Variants in RAB28 observed in about 807,000 individuals in gnomAD.
RAB28 encodes ras-related protein Rab-28.
Under a neutral mutation model 31.7 loss-of-function variants are expected in RAB28, and 24 were observed. The ratio of observed to expected loss-of-function variants is 0.76; its 90% CI spans 0.55 to 1.06. The LOEUF is 1.06. Among genes scored for constraint, RAB28 ranks in the 50% least tolerant of loss-of-function variants. The probability of loss-of-function intolerance (pLI) is 0.00; values close to 1 mark genes in which losing one functional copy is unlikely to be tolerated. For missense variants in RAB28, 254 were observed against 258.5 expected (o/e 0.98, Z 0.12); for synonymous variants, 100 against 90.4 (o/e 1.11, Z -0.60).
At chr4:13,432,971 C>T (rs1321045961) in intron 4 of RAB28, among the ~76,000 whole-genome samples, 6 of 147,478 alleles carry the variant, frequency 4.1e-5, no homozygotes, top group Non-Finnish European at 7.5e-5. Context: ...CACAGAGTGG[C>T]AAATTGAATT....
chr4:13,483,087 GA>G (rs1348614498), intron 1 of RAB28, among the ~76,000 whole-genome samples: 2 of 152,308 alleles, frequency 1.3e-5, no homozygotes, highest in South Asian at 4.1e-4. Context: ...GCCTTTGACA[GA>G]AGCATGGGAA....
intron 3 of RAB28, among the ~76,000 whole-genome samples, chr4:13,465,048 A>G (rs1287185697): frequency 6.6e-6 from 1 of 152,074 alleles, no homozygotes; most frequent in Non-Finnish European, 1.5e-5. Context: ...TGGACACGGC[A>G]TAGGAAAAAA....
At chr4:13,407,357 T>C (rs1404146088) in intron 4 of RAB28, among the ~76,000 whole-genome samples, 3 of 152,204 alleles carry the variant, frequency 2.0e-5, no homozygotes, top group Non-Finnish European at 4.4e-5. Flanking sequence ...TTCTGTTCCA[T>C]TGGTCTGTAT....
At chr4:13,401,644 T>A (rs893457698) in intron 4 of RAB28, among the ~76,000 whole-genome samples, 11 of 152,240 alleles carry the variant, frequency 7.2e-5, no homozygotes, top group African/African-American at 2.4e-4. Context: ...TTTGTAATGA[T>A]TTCTTCTCTT....
intron 4 of RAB28, among the ~76,000 whole-genome samples, chr4:13,420,849 G>C (rs933504863): frequency 6.6e-6 from 1 of 152,174 alleles, no homozygotes; most frequent in South Asian, 2.1e-4. Context: ...ACTGGCACAA[G>C]ACAAGGATTC....
intron 4 of RAB28, among the ~76,000 whole-genome samples, chr4:13,406,992 CTT>C (rs1712132510): frequency 6.6e-6 from 1 of 152,148 alleles, no homozygotes; most frequent in African/African-American, 2.4e-5. Context: ...TGCAGAAGCT[CTT>C]TAGTTTAATT....
intron 4 of RAB28, among the ~76,000 whole-genome samples, chr4:13,450,146 GTAAT>G (rs1244895634): frequency 6.6e-6 from 1 of 151,514 alleles, no homozygotes; most frequent in Non-Finnish European, 1.5e-5. Flanking sequence ...AATTAAAACT[GTAAT>G]TCAGTACAGA....
intron 4 of RAB28, among the ~76,000 whole-genome samples, chr4:13,435,810 TACC>T (rs1360098448): frequency 6.6e-6 from 1 of 152,164 alleles, no homozygotes; most frequent in African/African-American, 2.4e-5. Flanking sequence ...GAAGAGCTGG[TACC>T]AATCTTACTG....
chr4:13,398,353 A>G (rs1426901123), intron 4 of RAB28, among the ~76,000 whole-genome samples: 1 of 152,180 alleles, frequency 6.6e-6, no homozygotes, highest in African/African-American at 2.4e-5. Context: ...GCAAACTTCC[A>G]CATACTAGGT....
At chr4:13,456,126 G>GGCTA (rs1232012321) in intron 4 of RAB28, among the ~76,000 whole-genome samples, 1 of 152,098 alleles carries the variant, frequency 6.6e-6, no homozygotes, top group Non-Finnish European at 1.5e-5. Flanking sequence ...AATTTACAAT[G>GGCTA]GCTAGCTTAA....
intron 4 of RAB28, among the ~76,000 whole-genome samples, chr4:13,450,254 A>G (rs955592246): frequency 6.6e-6 from 1 of 151,886 alleles, no homozygotes; most frequent in Non-Finnish European, 1.5e-5. Flanking sequence ...TTAGGATTTA[A>G]GAAGCAAACT....
intron 4 of RAB28, among the ~76,000 whole-genome samples, chr4:13,439,545 C>T (rs1034221744): frequency 6.6e-6 from 1 of 152,118 alleles, no homozygotes; most frequent in Non-Finnish European, 1.5e-5. Context: ...TGGGGTTTCA[C>T]CATGTTGGCC....
chr4:13,469,303 G>A (rs554550163), intron 3 of RAB28, among the ~76,000 whole-genome samples: 1 of 152,048 alleles, frequency 6.6e-6, no homozygotes, highest in South Asian at 2.1e-4. Flanking sequence ...GATAACTTTT[G>A]TTATCAACCA....
intron 4 of RAB28, among the ~76,000 whole-genome samples, chr4:13,415,812 G>A (rs151047071): frequency 0.012 from 1,759 of 152,330 alleles, 13 homozygotes; most frequent in Non-Finnish European, 0.018. Flanking sequence ...TGCAGCCCCA[G>A]TGCAGGATCC....
At chr4:13,471,634 C>T (rs931429543) in intron 3 of RAB28, among the ~76,000 whole-genome samples, 8 of 151,966 alleles carry the variant, frequency 5.3e-5, no homozygotes, top group African/African-American at 1.2e-4. Context: ...CTCAAGTAGC[C>T]GGGACTACAG....
intron 4 of RAB28, among the ~76,000 whole-genome samples, chr4:13,447,311 A>G (rs796385447): frequency 6.4e-4 from 97 of 152,322 alleles, no homozygotes; most frequent in African/African-American, 2.2e-3. Flanking sequence ...AGTAAAAGCC[A>G]AAAGCCCATA....
At chr4:13,413,146 G>C (rs957358070) in intron 4 of RAB28, among the ~76,000 whole-genome samples, 4 of 152,124 alleles carry the variant, frequency 2.6e-5, no homozygotes, top group African/African-American at 7.2e-5. Flanking sequence ...CTATTTGTTT[G>C]AAAGGTATAT....
chr4:13,467,712 AAG>A (rs1201171069), intron 3 of RAB28, among the ~76,000 whole-genome samples: 2 of 152,018 alleles, frequency 1.3e-5, no homozygotes, highest in Non-Finnish European at 2.9e-5. Flanking sequence ...AAAGCAGAAA[AAG>A]AGGGGATAAG....
chr4:13,439,844 G>A (rs1714322260), intron 4 of RAB28, among the ~76,000 whole-genome samples: 1 of 152,134 alleles, frequency 6.6e-6, no homozygotes, highest in Non-Finnish European at 1.5e-5. Context: ...AGTGAGCCTA[G>A]TACCATAATG....
Sources: allele counts gnomAD v4.1 joint callset (sites outside exome capture counted in the v4.1 genomes callset), GRCh38; gene constraint gnomAD v4.1.1; transcripts MANE v1.5; gene names NCBI Gene and HGNC (gene_info 2026-07-23, HGNC 2026-07-21).